ARHGAP15: variants seen among roughly 807,000 people sequenced by gnomAD.
ARHGAP15 encodes Rho GTPase activating protein 15.
A neutral mutation model predicts 63.7 loss-of-function variants in ARHGAP15; 51 were observed. That is an observed-to-expected ratio of 0.80 (90% CI 0.64 to 1.01). The LOEUF (loss-of-function observed/expected upper bound fraction) is 1.01. ARHGAP15 is among the 50% of genes least tolerant of loss of function. ARHGAP15 has a pLI of 0.00. For synonymous variants in ARHGAP15, 191 were observed against 193.8 expected (o/e 0.99, Z 0.12); for missense variants, 560 against 564.6 (o/e 0.99, Z 0.08).
At chr2:143,695,190 T>G (rs1039725865) in intron 12 of ARHGAP15, among the ~76,000 whole-genome samples, 1 of 152,138 alleles carries the variant, frequency 6.6e-6, no homozygotes, top group East Asian at 1.9e-4. Flanking sequence ...TGAATAAATA[T>G]AGTTTCAAGA....
intron 4 of ARHGAP15, among the ~76,000 whole-genome samples, chr2:143,223,500 T>G (rs1693082231): frequency 6.6e-6 from 1 of 152,120 alleles, no homozygotes. Context: ...GTGGAAAAAA[T>G]AGAAAACTAT....
intron 8 of ARHGAP15, among the ~76,000 whole-genome samples, chr2:143,450,632 T>C (rs574934733): frequency 1.3e-5 from 2 of 151,992 alleles, no homozygotes; most frequent in Non-Finnish European, 2.9e-5. Flanking sequence ...GTTGCTGAAA[T>C]ATAAATTCCA....
chr2:143,340,652 G>T (rs1379657074), intron 6 of ARHGAP15, among the ~76,000 whole-genome samples: 1 of 151,822 alleles, frequency 6.6e-6, no homozygotes, highest in Non-Finnish European at 1.5e-5. Flanking sequence ...AAAACTCAGG[G>T]TGTCATTAAG....
At chr2:143,452,441 T>A (rs1690447910) in intron 8 of ARHGAP15, among the ~76,000 whole-genome samples, 1 of 151,886 alleles carries the variant, frequency 6.6e-6, no homozygotes, top group Admixed American at 6.6e-5. Context: ...TTAAAGGGGA[T>A]CTTAACGGAT....
chr2:143,347,768 T>C (rs888909400), intron 6 of ARHGAP15, among the ~76,000 whole-genome samples: 3 of 152,176 alleles, frequency 2.0e-5, no homozygotes, highest in African/African-American at 7.2e-5. Flanking sequence ...TTTTAGGCTT[T>C]GGGAGAGAAA....
chr2:143,581,326 G>C (rs1293590037), intron 11 of ARHGAP15, among the ~76,000 whole-genome samples: 4 of 152,074 alleles, frequency 2.6e-5, no homozygotes, highest in Non-Finnish European at 5.9e-5. Context: ...CTGGTACATG[G>C]CTATGTGTCA....
chr2:143,489,189 A>C (rs1209264111), intron 9 of ARHGAP15, among the ~76,000 whole-genome samples: 3 of 152,218 alleles, frequency 2.0e-5, no homozygotes, highest in African/African-American at 7.2e-5. Flanking sequence ...TCCACATGAA[A>C]TGCTGAAGGA....
chr2:143,632,346 C>CAT (rs1010572568), intron 12 of ARHGAP15, among the ~76,000 whole-genome samples: 14 of 151,682 alleles, frequency 9.2e-5, no homozygotes, highest in South Asian at 4.2e-4. Context: ...ATATTGTGTT[C>CAT]ATATATATAT....
intron 11 of ARHGAP15, among the ~76,000 whole-genome samples, chr2:143,606,062 A>AAAAAAAAAAAAAAAAAAAAAAAC (rs1559076886): frequency 1.4e-5 from 1 of 73,176 alleles, no homozygotes. Flanking sequence ...AAAAAAAAAA[A>AAAAAAAAAAAAAAAAAAAAAAAC]AAAAAAAAGC....
chr2:143,662,927 C>A (rs369006109), intron 12 of ARHGAP15, among the ~76,000 whole-genome samples: 5 of 144,780 alleles, frequency 3.5e-5, no homozygotes, highest in East Asian at 2.1e-4. Context: ...AAAAGACCAA[C>A]TCTACGTCTG....
intron 10 of ARHGAP15, among the ~76,000 whole-genome samples, chr2:143,548,977 A>G (rs1010840343): frequency 1.3e-5 from 2 of 152,166 alleles, no homozygotes; most frequent in Non-Finnish European, 2.9e-5. Flanking sequence ...AGGAATTTCT[A>G]TAAACACAGA....
At chr2:143,270,146 A>G (rs1022297087) in intron 6 of ARHGAP15, among the ~76,000 whole-genome samples, 1 of 151,936 alleles carries the variant, frequency 6.6e-6, no homozygotes, top group African/African-American at 2.4e-5. Flanking sequence ...CTAATTTTGT[A>G]TTTTTAGTAG....
chr2:143,718,514 T>G (rs1249005892), intron 13 of ARHGAP15, among the ~76,000 whole-genome samples: 3 of 152,246 alleles, frequency 2.0e-5, no homozygotes, highest in Non-Finnish European at 4.4e-5. Context: ...AAAGAAAGTT[T>G]AAAAATACAT....
At chr2:143,312,805 G>T (rs1683510838) in intron 6 of ARHGAP15, among the ~76,000 whole-genome samples, 1 of 152,132 alleles carries the variant, frequency 6.6e-6, no homozygotes, top group African/African-American at 2.4e-5. Flanking sequence ...CAACAAAAGA[G>T]TTTCTGTGTG....
At position 143,585,077 on chromosome 2, in the gene ARHGAP15, C is replaced by A. The variant is rs916083547; in HGVS notation, c.1003+28592C>A. ...CATCCCGAGGTTTAAAATGTTCTTT[C>A]TAAATTTAGATAAACGCAAGATAAA... On this transcript the variant is annotated intron_variant, in intron 11 of 13. Coordinates refer to ENST00000295095, the MANE Select transcript of ARHGAP15 (RefSeq NM_018460.4). Among the ~76,000 whole-genome samples, 3 of 152,098 alleles carry A rather than the reference C, an allele frequency of 2.0e-5. No individual in the cohort carries two copies. The East Asian group carries it at 5.8e-4, about 29-fold the overall frequency.
chr2:143,390,275 C>A lies in ARHGAP15; in HGVS notation c.475-45326C>A, dbSNP rs561461237. ...TGCAGCCTCAGATTAATGCGAAGAC[C>A]CTGGCGATTCCTTTTAGACGTTATT... On this transcript the variant is annotated intron_variant, in intron 6 of 13. Coordinates refer to ENST00000295095, the MANE Select transcript of ARHGAP15 (RefSeq NM_018460.4). 2.0e-5 allele frequency among the ~76,000 whole-genome samples: 3 copies of A among 152,140 alleles called. No individual in the cohort carries two copies. The South Asian group carries it at 6.2e-4, about 32-fold the overall frequency.
chr2:143,352,071 C>T lies in ARHGAP15; in HGVS notation c.475-83530C>T, dbSNP rs570387670. ...CACCCTGAATAACCTTTATTGTCCT[C>T]AACTTTCGAACAACATTACAATTCT... On this transcript the variant is annotated intron_variant, in intron 6 of 13. Transcript: ENST00000295095. Among the ~76,000 whole-genome samples the T allele has an allele frequency of 3.3e-5, 5 of 152,266 alleles. No individual in the cohort carries two copies. In the East Asian group the frequency reaches 9.7e-4, roughly 29 times the overall value.
At chr2:143,259,612 T>G (rs1426059859) in intron 6 of ARHGAP15, among the ~76,000 whole-genome samples, 1 of 152,160 alleles carries the variant, frequency 6.6e-6, no homozygotes, top group African/African-American at 2.4e-5. Context: ...TGATTCGGTT[T>G]GACTGGGTGC....
intron 2 of ARHGAP15, chr2:143,172,219 T>A (rs950966657): frequency 6.6e-6 from 1 of 152,162 alleles, no homozygotes; most frequent in African/African-American, 2.4e-5. Flanking sequence ...ATGTGATTTT[T>A]AATCAGGACA....
Sources: allele counts gnomAD v4.1 joint callset (sites outside exome capture counted in the v4.1 genomes callset), GRCh38; gene constraint gnomAD v4.1.1; transcripts MANE v1.5; gene names NCBI Gene and HGNC (gene_info 2026-07-23, HGNC 2026-07-21).